The following VGLL4 variants were observed in gnomAD, a reference collection of about 807,000 sequenced individuals.
VGLL4 encodes transcription cofactor vestigial-like protein 4.
Under a neutral mutation model 21.0 loss-of-function variants are expected in VGLL4, and 7 were observed. That is an observed-to-expected ratio of 0.33 (90% CI 0.19 to 0.63). The LOEUF (loss-of-function observed/expected upper bound fraction) is 0.63, where lower values mean the gene tolerates loss of function less well. Among genes scored for constraint, VGLL4 ranks in the 20% least tolerant of loss-of-function variants. The probability of loss-of-function intolerance (pLI) is 0.78; values close to 1 mark genes in which losing one functional copy is unlikely to be tolerated. For synonymous variants in VGLL4, 222 were observed against 173.2 expected (o/e 1.28, Z -2.21); for missense variants, 394 against 425.7 (o/e 0.93, Z 0.66).
intron 1 of VGLL4, among the ~76,000 whole-genome samples, chr3:11,642,168 C>A (rs1052161236): frequency 2.8e-4 from 42 of 152,238 alleles, no homozygotes; most frequent in African/African-American, 8.9e-4. Context: ...CTTAACACAT[C>A]AGATGCAAAG....
intron 1 of VGLL4, among the ~76,000 whole-genome samples, chr3:11,612,823 C>T (rs2075088540): frequency 6.6e-6 from 1 of 152,220 alleles, no homozygotes; most frequent in African/African-American, 2.4e-5. Context: ...CAGCTCAGAA[C>T]CTTTAACACC....
At chr3:11,611,199 C>T (rs9829399) in intron 1 of VGLL4, among the ~76,000 whole-genome samples, 36,690 of 151,446 alleles carry the variant, frequency 0.24, 6,367 homozygotes, top group African/African-American at 0.48. Flanking sequence ...GGAATTAACA[C>T]GTTAAAGTCC....
intron 2 of VGLL4, among the ~76,000 whole-genome samples, chr3:11,582,960 G>A (rs1693621155): frequency 6.6e-6 from 1 of 152,216 alleles, no homozygotes; most frequent in Admixed American, 6.5e-5. Context: ...AAGCAAAGGT[G>A]CCACAGCCAT....
chr3:11,600,688 T>G (rs539853581), intron 2 of VGLL4, among the ~76,000 whole-genome samples: 16 of 152,318 alleles, frequency 1.1e-4, no homozygotes, highest in African/African-American at 3.8e-4. Flanking sequence ...GCGAGGACGC[T>G]GGAGCTGAGG....
At chr3:11,696,589 TTC>T (rs2076610091) in intron 2 of VGLL4, among the ~76,000 whole-genome samples, 1 of 152,194 alleles carries the variant, frequency 6.6e-6, no homozygotes, top group South Asian at 2.1e-4. Flanking sequence ...ATCATGTTTT[TTC>T]AAACTGTCGG....
chr3:11,601,873 C>T lies in VGLL4; in HGVS notation c.232G>A (p.Asp78Asn). Reference protein sequence around the residue: ...PGDEDLDCDNDHVSKMSRIFN... With the variant: ...PGDEDLDCDNNHVSKMSRIFN... ...ATGCGACTCATTTTGGAGACGTGGT[C>T]GTTGTCACAGTCTAGGTCCTCGTCA... The change falls in exon 2 of 5, where the codon GAC (aspartate) becomes AAC (asparagine). Residue 78 changes from aspartate (D) to asparagine (N), a missense_variant. Asp to Asn is a conservative substitution (Grantham distance 23). Coordinates refer to ENST00000430365, the MANE Select transcript of VGLL4 (RefSeq NM_001128219.3). The T allele has an allele frequency of 6.2e-7, 1 of 1,613,688 alleles. No individual in the cohort carries two copies. Among genetic ancestry groups the T allele is most frequent in the South Asian group, 1.1e-5 (1 of 91,000 alleles).
chr3:11,610,077 C>T (rs889806168), intron 1 of VGLL4, among the ~76,000 whole-genome samples: 1 of 152,138 alleles, frequency 6.6e-6, no homozygotes, highest in Non-Finnish European at 1.5e-5. Flanking sequence ...AAGCCAGCCG[C>T]GCTGCACTGA....
At chr3:11,677,534 C>T (rs879500281) in intron 2 of VGLL4, among the ~76,000 whole-genome samples, 6 of 152,104 alleles carry the variant, frequency 3.9e-5, no homozygotes, top group South Asian at 2.1e-4. Flanking sequence ...CTTGGCCTCC[C>T]GAAGTCCTGA....
intron 4 of VGLL4, 35 bp downstream of exon 4, chr3:11,559,296 AC>A: frequency 7.3e-6 from 11 of 1,501,892 alleles, no homozygotes; most frequent in African/African-American, 1.4e-5. Flanking sequence ...TGCCACTAGC[AC>A]AGCTGTGACA....
At chr3:11,654,978 G>C (rs2075934607) in intron 2 of VGLL4, among the ~76,000 whole-genome samples, 1 of 152,138 alleles carries the variant, frequency 6.6e-6, no homozygotes, top group Admixed American at 6.5e-5. Context: ...TTTTTCCAAG[G>C]ATGAGTTTGC....
At chr3:11,657,748 G>T (rs922959182) in intron 2 of VGLL4, among the ~76,000 whole-genome samples, 1 of 152,152 alleles carries the variant, frequency 6.6e-6, no homozygotes, top group African/African-American at 2.4e-5. Context: ...CTTTGGAATG[G>T]CTAGCAGTGT....
chr3:11,712,805 T>A (rs183714542), intron 1 of VGLL4, among the ~76,000 whole-genome samples: 3 of 152,136 alleles, frequency 2.0e-5, no homozygotes, highest in African/African-American at 7.2e-5. Context: ...GAGATACCTA[T>A]CAGGCAATAA....
At chr3:11,597,874 T>C (rs1239572453) in intron 2 of VGLL4, among the ~76,000 whole-genome samples, 1 of 152,090 alleles carries the variant, frequency 6.6e-6, no homozygotes, top group East Asian at 1.9e-4. Context: ...AACAAAAAAA[T>C]TAATAATGAG....
At chr3:11,636,107 G>A (rs11128562) in intron 1 of VGLL4, among the ~76,000 whole-genome samples, 16,931 of 152,140 alleles carry the variant, frequency 0.11, 1,212 homozygotes, top group South Asian at 0.22. Flanking sequence ...ATCTCTTGTC[G>A]CGTTAATAGT....
At chr3:11,632,498 T>C (rs2075504243) in intron 1 of VGLL4, among the ~76,000 whole-genome samples, 1 of 152,132 alleles carries the variant, frequency 6.6e-6, no homozygotes, top group Non-Finnish European at 1.5e-5. Context: ...ACTCTGGCCA[T>C]AGTTAACAGA....
At chr3:11,635,227 C>T (rs556680587) in intron 1 of VGLL4, among the ~76,000 whole-genome samples, 10 of 152,092 alleles carry the variant, frequency 6.6e-5, no homozygotes, top group East Asian at 3.9e-4. Context: ...ATGGCAAGGA[C>T]GATACAGTCT....
At chr3:11,700,244 T>C (rs1392795065) in intron 2 of VGLL4, among the ~76,000 whole-genome samples, 1 of 152,220 alleles carries the variant, frequency 6.6e-6, no homozygotes, top group Non-Finnish European at 1.5e-5. Flanking sequence ...AGAAAGTCTT[T>C]ACTCTCCCCA....
intron 2 of VGLL4, among the ~76,000 whole-genome samples, chr3:11,695,411 T>C (rs897070587): frequency 6.6e-6 from 1 of 152,142 alleles, no homozygotes; most frequent in African/African-American, 2.4e-5. Flanking sequence ...GGAATGATAC[T>C]GGCCACTTAC....
intron 2 of VGLL4, among the ~76,000 whole-genome samples, chr3:11,661,464 T>A (rs2076037508): frequency 1.3e-5 from 2 of 151,204 alleles, no homozygotes; most frequent in Admixed American, 1.3e-4. Context: ...TATTTATTTA[T>A]CTATTTATTT....
Sources: gnomAD v4.1 joint callset for allele counts (sites outside exome capture counted in the v4.1 genomes callset) on GRCh38, gnomAD v4.1.1 for gene constraint, MANE v1.5 for transcripts, NCBI Gene and HGNC (gene_info 2026-07-23, HGNC 2026-07-21) for gene names.